The following ZNF219 variants were observed in gnomAD, a reference collection of about 807,000 sequenced individuals.
ZNF219 encodes zinc finger protein 219.
ZNF219 carries 17 observed loss-of-function variants against 54.4 expected under a neutral mutation model. The observed-to-expected ratio is 0.31, with a 90% CI of 0.21 to 0.47. The LOEUF is 0.47. Ranked by LOEUF, ZNF219 falls within the 20% of genes least tolerant of loss-of-function variation. The pLI is 1.00. For synonymous variants in ZNF219, 518 were observed against 476.4 expected, an observed-to-expected ratio of 1.09 and a Z score of -1.14; for missense variants, 1,014 against 1,062.3, an observed-to-expected ratio of 0.95 and a Z score of 0.63.
At chr14:21,102,526 A>C, upstream of ZNF219, 1 of 1,551,744 alleles carries the variant, frequency 6.4e-7, no homozygotes, top group Non-Finnish European at 8.7e-7. Flanking sequence ...GTACTGGTCA[A>C]TGAAGGAGAA....
intron 1 of ZNF219, among the ~76,000 whole-genome samples, chr14:21,097,949 C>A (rs1889373953): frequency 2.6e-5 from 4 of 151,784 alleles, no homozygotes; most frequent in African/African-American, 2.4e-5. Context: ...CCCTCACCCC[C>A]AGGTCCCTCG....
At chr14:21,099,377 A>G (rs1337630311), upstream of ZNF219, among the ~76,000 whole-genome samples, 1 of 152,218 alleles carries the variant, frequency 6.6e-6, no homozygotes, top group Non-Finnish European at 1.5e-5. Flanking sequence ...TCCTCAGTGC[A>G]AGCCCAACAT....
upstream of ZNF219, chr14:21,101,119 C>T (rs1594610580): frequency 1.1e-5 from 5 of 434,900 alleles, no homozygotes; most frequent in Middle Eastern, 1.9e-3. Context: ...TCTGAGCTAT[C>T]AAGCCCCTTA....
chr14:21,096,806 AAAC>A (rs1212370451), intron 1 of ZNF219, among the ~76,000 whole-genome samples: 3 of 152,256 alleles, frequency 2.0e-5, no homozygotes, highest in Admixed American at 6.5e-5. Flanking sequence ...AAAGACTTAG[AAAC>A]AACAAGGACA....
intron 1 of ZNF219, among the ~76,000 whole-genome samples, chr14:21,094,155 C>T (rs1405394502): frequency 6.6e-6 from 1 of 152,228 alleles, no homozygotes; most frequent in Non-Finnish European, 1.5e-5. Context: ...GTCTTTCCCC[C>T]CTCATTCTCC....
upstream of ZNF219, chr14:21,101,823 T>C (rs1889649989): frequency 8.8e-6 from 13 of 1,469,580 alleles, no homozygotes; most frequent in African/African-American, 1.4e-5. Context: ...AGGGAGGGAA[T>C]CCCTGACAGT....
chr14:21,091,230 G>C (rs1455073700), intron 4 of ZNF219, 90 bp from the exon 5 acceptor site: 19 of 1,519,982 alleles, frequency 1.3e-5, no homozygotes, highest in Non-Finnish European at 1.7e-5. Flanking sequence ...CTCATTCTCA[G>C]AACCAAGAAA....
chr14:21,102,347 G>A (rs2139351871), upstream of ZNF219: 1 of 1,534,604 alleles, frequency 6.5e-7, no homozygotes, highest in East Asian at 2.5e-5. Context: ...CTGCAAGTGG[G>A]GATTGAGGTT....
chr14:21,093,799 T>C (rs1170776210), intron 1 of ZNF219, 125 bp from the exon 2 acceptor site: 11 of 873,506 alleles, frequency 1.3e-5, no homozygotes, highest in South Asian at 1.3e-4. Context: ...TACTTGCTTC[T>C]TGAGGCACGA....
rs1888999601 is a variant in ZNF219, at chr14:21,092,556, C to A, written c.741G>T (p.Glu247Asp). 7 of 1,548,188 alleles carry A rather than the reference C, an allele frequency of 4.5e-6. No homozygotes were observed. In the East Asian group the frequency reaches 1.7e-4, roughly 38 times the overall value. The change falls in exon 3 of 5, where the codon GAG becomes GAT. Residue 247 changes from glutamate (E) to aspartate (D), a missense_variant. By Grantham distance (45) the Glu-to-Asp change is conservative (BLOSUM62 2). This residue lies in a region of ZNF219 where 395 missense variants were observed against 415.1 expected (regional missense o/e 0.95). Coordinates refer to ENST00000360947, the MANE Select transcript of ZNF219 (RefSeq NM_016423.3). ...QPEPRSVPQP[E>D]PEPEPEREAT... ...CCTCACGTTCGGGCTCCGGCTCCGG[C>A]TCCGGCTGGGGGACTGATCTGGGTT...
rs1272397419 is a variant in ZNF219 at position 21,091,019 on chromosome 14, C to T, written c.1686G>A (p.Pro562=). The change falls in exon 5 of 5, where the codon CCG becomes CCA. Residue 562 remains proline (P), a synonymous_variant. Transcript: ENST00000360947. ...CCCGCTGGGAAGGAGGCGGTGGCTCCGGGGGTGGCCCGGGGCCGGCCCCGC... is the reference window on the plus strand; with the variant it reads ...CCCGCTGGGAAGGAGGCGGTGGCTCTGGGGGTGGCCCGGGGCCGGCCCCGC... ...QRSGAGPGPP[P]EPPPPSQRGS... The T allele has an allele frequency of 1.9e-6, 3 of 1,553,914 alleles. No homozygotes were observed. The highest frequency in any genetic ancestry group is 1.2e-5 in the South Asian group (1 of 85,436).
At chr14:21,091,600 G>A in intron 3 of ZNF219, 58 bp from the exon 4 acceptor site, 10 of 1,560,486 alleles carry the variant, frequency 6.4e-6, no homozygotes, top group South Asian at 4.7e-5. Flanking sequence ...CAGGTGCCGC[G>A]CACCCACCCC....
In ZNF219 at chr14:21,090,819, A is replaced by G; in HGVS notation, c.1886T>C (p.Leu629Pro). Residue 629 changes from leucine (L) to proline (P), a missense_variant, in exon 5 of 5, where the codon CTG (leucine) becomes CCG (proline). Leu to Pro is a moderately conservative substitution (Grantham distance 98, BLOSUM62 -3). Coordinates refer to ENST00000360947, the MANE Select transcript of ZNF219 (RefSeq NM_016423.3). The surrounding 1 kb of genome is among the most constrained non-coding windows in gnomAD (Gnocchi z 4.4). Reference sequence around the variant, plus strand: ...GCCTCCCGGCCCTGCCCGCAAGGACAGGTCCAGGGGTTCGGCCTCACCGCC... The same window carrying G: ...GCCTCCCGGCCCTGCCCGCAAGGACGGGTCCAGGGGTTCGGCCTCACCGCC... ...GRGGEAEPLD[L>P]SLRAGPGGEA... is the part of the protein sequence containing the mutation. 6.4e-7 allele frequency: 1 copy of G among 1,565,874 alleles called. No homozygotes were observed. Among genetic ancestry groups the G allele is most frequent in the Non-Finnish European group, 8.7e-7 (1 of 1,155,726 alleles).
Position 21,092,291 on chromosome 14 carries a change from G to GCC in ZNF219, c.1004_1005dup (p.Pro336GlyfsTer48). The GCC allele has an allele frequency of 6.6e-7, 1 of 1,518,664 alleles. No homozygotes were observed. Among genetic ancestry groups the GCC allele is most frequent in the Non-Finnish European group, 8.8e-7 (1 of 1,135,770 alleles). 94.1% of individuals were successfully genotyped at this position (1,518,664 alleles called of 1,614,324 possible). ...GGGGCGCGGGCAGGCCCGGAGGCAG[G>GCC]CCCCGGGGCACGCAGTGGGCCCAGC... On this transcript the variant is annotated frameshift_variant, in exon 3 of 5. Transcript: ENST00000360947. LOFTEE classifies it high-confidence loss of function.
At chr14:21,101,422 A>T (rs1256864196), upstream of ZNF219, 1 of 1,551,584 alleles carries the variant, frequency 6.4e-7, no homozygotes, top group African/African-American at 1.4e-5. Context: ...GGCAAGGCAC[A>T]GGCAGAGTGG....
intron 2 of ZNF219, 125 bp downstream of exon 2, chr14:21,093,461 G>A: frequency 7.0e-7 from 1 of 1,433,292 alleles, no homozygotes; most frequent in Non-Finnish European, 9.7e-7. Context: ...AGGTGTATGG[G>A]AATCGAGATG....
upstream of ZNF219, chr14:21,102,459 G>A (rs1889702653): frequency 3.2e-6 from 5 of 1,551,704 alleles, no homozygotes; most frequent in Non-Finnish European, 4.4e-6. Context: ...TTTCATAGTG[G>A]TGGTGGTCGA....
chr14:21,102,921 C>G, upstream of ZNF219: 1 of 1,388,136 alleles, frequency 7.2e-7, no homozygotes, highest in Middle Eastern at 2.5e-4. Context: ...TTGGCTTTCT[C>G]TGGCTTTGAA....
chr14:21,102,813 G>C, upstream of ZNF219: 1 of 1,540,488 alleles, frequency 6.5e-7, no homozygotes, highest in South Asian at 1.2e-5. Flanking sequence ...CGAATAGCTA[G>C]CTGCCAACTA....
Sources: allele counts gnomAD v4.1 joint callset (sites outside exome capture counted in the v4.1 genomes callset), GRCh38; gene constraint gnomAD v4.1.1; regional missense constraint gnomAD v4.1.1; non-coding constraint Gnocchi (gnomAD v3.1); transcripts MANE v1.5; gene names NCBI Gene and HGNC (gene_info 2026-07-23, HGNC 2026-07-21).